Variants in HS3ST3A1 observed in about 807,000 individuals in gnomAD.
HS3ST3A1 encodes the protein heparan sulfate-glucosamine 3-sulfotransferase 3A1.
A neutral mutation model predicts 25.7 loss-of-function variants in HS3ST3A1; 19 were observed. The ratio of observed to expected loss-of-function variants is 0.74; its 90% CI spans 0.52 to 1.08. HS3ST3A1 has a LOEUF of 1.08. HS3ST3A1 is among the 50% of genes least tolerant of loss of function. HS3ST3A1 has a pLI of 0.00. For missense variants in HS3ST3A1, 459 were observed against 594.3 expected (o/e 0.77, Z 2.37); for synonymous variants, 226 against 278.6 (o/e 0.81, Z 1.88).
chr17:13,550,422 C>T (rs1907207906), intron 1 of HS3ST3A1, among the ~76,000 whole-genome samples: 1 of 151,980 alleles, frequency 6.6e-6, no homozygotes, highest in South Asian at 2.1e-4. Flanking sequence ...TTGGAAACCT[C>T]CCTCCACACA....
At chr17:13,521,279 G>A (rs1325318205) in intron 1 of HS3ST3A1, among the ~76,000 whole-genome samples, 1 of 152,214 alleles carries the variant, frequency 6.6e-6, no homozygotes, top group Non-Finnish European at 1.5e-5. Flanking sequence ...CAGTAGGCAG[G>A]ATGTTCTCTG....
intron 1 of HS3ST3A1, among the ~76,000 whole-genome samples, chr17:13,529,456 TA>T (rs77143656): frequency 0.044 from 6,632 of 151,756 alleles, 483 homozygotes; most frequent in African/African-American, 0.15. Flanking sequence ...TTGCTTTTAT[TA>T]AAAAAAAATT....
chr17:13,515,966 A>G (rs1469114755), intron 1 of HS3ST3A1, among the ~76,000 whole-genome samples: 1 of 151,970 alleles, frequency 6.6e-6, no homozygotes, highest in African/African-American at 2.4e-5. Flanking sequence ...TTTTTTGCCC[A>G]TTTTTACATG....
chr17:13,531,961 A>T (rs1428921034), intron 1 of HS3ST3A1, among the ~76,000 whole-genome samples: 2 of 152,088 alleles, frequency 1.3e-5, no homozygotes, highest in Non-Finnish European at 2.9e-5. Flanking sequence ...CATCAAGGGG[A>T]GGTGGTAGGA....
chr17:13,601,156 G>C lies in HS3ST3A1; in HGVS notation c.-27C>G. ...CTAGCCGGAGGCGACGTCGGGCAAC[G>C]CGCCGGCCATGCTAGGCCTGGACCC... On this transcript the variant is annotated 5_prime_UTR_variant, in exon 1 of 2. Transcript: ENST00000284110. The C allele has an allele frequency of 6.7e-7, 1 of 1,481,764 alleles. No homozygotes were observed. The highest frequency in any genetic ancestry group is 9.0e-7 in the Non-Finnish European group (1 of 1,115,854). 91.8% of individuals were successfully genotyped at this position (1,481,764 alleles called of 1,614,324 possible). A position where few individuals can be genotyped will look rare whatever the true frequency, so the allele number is the denominator to read the frequency against.
In HS3ST3A1 at chr17:13,600,848, C is replaced by A. The variant is rs1378187764; in HGVS notation, c.282G>T (p.Pro94=). 7.7e-6 allele frequency: 11 copies of A among 1,434,296 alleles called. No individual in the cohort carries two copies. In the African/African-American group the frequency reaches 1.2e-4, roughly 16 times the overall value. The allele number at this position is 1,434,296 out of a possible 1,614,324, so 88.8% of individuals were successfully genotyped here. Reference sequence around the variant, plus strand: ...CGGGCGGCCGGCGCCTCCGCCACTGCGGCAGTTGCAGGAGGCGCTTTCTCT... The same window carrying A: ...CGGGCGGCCGGCGCCTCCGCCACTGAGGCAGTTGCAGGAGGCGCTTTCTCT... ...AAQRKRLLQL[P]QWRRRRPPAP... Residue 94 remains proline (P), a synonymous_variant, in exon 1 of 2, where the codon CCG becomes CCT. Transcript: ENST00000284110.
At position 13,524,105 on chromosome 17, in the gene HS3ST3A1, A is replaced by G. The variant is rs73982028; in HGVS notation, c.600-27287T>C. 3.7e-3 allele frequency among the ~76,000 whole-genome samples: 566 copies of G among 152,168 alleles called. 2 individuals are homozygous for G. The highest frequency in any genetic ancestry group is 0.013 in the African/African-American group (543 of 41,532). On this transcript the variant is annotated intron_variant, in intron 1 of 1. Coordinates refer to ENST00000284110, the MANE Select transcript of HS3ST3A1 (RefSeq NM_006042.3). ...TAGTTTTTAACCTTATATTGATTTT[A>G]TTAATTTTATTTTTCCTTTGTTATT... is the stretch of plus-strand genomic sequence containing the variant.
chr17:13,566,264 T>C (rs1004417709), intron 1 of HS3ST3A1, among the ~76,000 whole-genome samples: 1 of 152,178 alleles, frequency 6.6e-6, no homozygotes, highest in Non-Finnish European at 1.5e-5. Flanking sequence ...ATTGGTGGTC[T>C]TTGATGTTAC....
chr17:13,593,233 C>CAAA (rs5819419), intron 1 of HS3ST3A1, among the ~76,000 whole-genome samples: 4 of 103,156 alleles, frequency 3.9e-5, no homozygotes, highest in East Asian at 2.9e-4. Flanking sequence ...TGTTTGTAGC[C>CAAA]AAAAAAAAAA....
rs1598433255 is a variant in HS3ST3A1, at chr17:13,584,550, A to AGAAGGAAGGAAGGAAAGAAG, written c.599+15961_599+15980dup. Among the ~76,000 whole-genome samples the AGAAGGAAGGAAGGAAAGAAG allele has an allele frequency of 2.7e-5, 4 of 150,874 alleles. No individual in the cohort carries two copies. In the East Asian group the frequency reaches 7.8e-4, roughly 29 times the overall value. On this transcript the variant is annotated intron_variant, in intron 1 of 1. Coordinates refer to ENST00000284110, the MANE Select transcript of HS3ST3A1 (RefSeq NM_006042.3). ...AGGAAGGAAAGAAGGAAGGAAGGAAAGAAGGAAGGAAGGAAAGAAGGAAGG... is the reference window on the plus strand; with the variant it reads ...AGGAAGGAAAGAAGGAAGGAAGGAAAGAAGGAAGGAAGGAAAGAAGGAAGGAAGGAAGGAAAGAAGGAAGG...
chr17:13,571,077 T>A (rs887118053), intron 1 of HS3ST3A1, among the ~76,000 whole-genome samples: 1 of 152,130 alleles, frequency 6.6e-6, no homozygotes, highest in Admixed American at 6.5e-5. Context: ...TACAAATTCA[T>A]GCGTAGTTAG....
At chr17:13,570,297 A>T (rs1907769511) in intron 1 of HS3ST3A1, among the ~76,000 whole-genome samples, 1 of 152,182 alleles carries the variant, frequency 6.6e-6, no homozygotes, top group South Asian at 2.1e-4. Context: ...TCCTTCTTGA[A>T]CTAAGTAACT....
chr17:13,563,518 G>A (rs1455196894), intron 1 of HS3ST3A1, among the ~76,000 whole-genome samples: 1 of 152,200 alleles, frequency 6.6e-6, no homozygotes, highest in Non-Finnish European at 1.5e-5. Context: ...TGTCAGATAT[G>A]TCCAGCTACT....
At chr17:13,541,225 A>C (rs1396179899) in intron 1 of HS3ST3A1, among the ~76,000 whole-genome samples, 1 of 152,178 alleles carries the variant, frequency 6.6e-6, no homozygotes, top group Non-Finnish European at 1.5e-5. Flanking sequence ...GGGAAAGAAA[A>C]ATTCCAGCCA....
At chr17:13,538,753 G>A (rs1176803295) in intron 1 of HS3ST3A1, among the ~76,000 whole-genome samples, 1 of 151,938 alleles carries the variant, frequency 6.6e-6, no homozygotes, top group Non-Finnish European at 1.5e-5. Context: ...CAAGATTTGG[G>A]GTAAAATCAG....
intron 1 of HS3ST3A1, among the ~76,000 whole-genome samples, chr17:13,540,871 C>T (rs988878745): frequency 6.6e-6 from 1 of 152,198 alleles, no homozygotes. Flanking sequence ...CAGAGAAACT[C>T]CCCTTTTATC....
intron 1 of HS3ST3A1, among the ~76,000 whole-genome samples, chr17:13,520,911 T>C (rs888536279): frequency 6.6e-6 from 1 of 152,206 alleles, no homozygotes; most frequent in Non-Finnish European, 1.5e-5. Context: ...TGCTTATTCA[T>C]TGGAAAACTG....
chr17:13,585,841 T>G (rs1035946811), intron 1 of HS3ST3A1, among the ~76,000 whole-genome samples: 19 of 54,082 alleles, frequency 3.5e-4, no homozygotes, highest in Non-Finnish European at 4.4e-4. Context: ...TCCTTCTGCG[T>G]TTTTTTTTTT....
chr17:13,496,144 T>G lies in HS3ST3A1; in HGVS notation c.*53A>C. ...ATTAAACTGTCTCTTCTCTACCGAT[T>G]GGTAAAAAAATATATTATATTTTGA... On this transcript the variant is annotated 3_prime_UTR_variant, in exon 2 of 2. Transcript: ENST00000284110. 6.9e-7 allele frequency: 1 copy of G among 1,450,326 alleles called. No homozygotes were observed. Among genetic ancestry groups the G allele is most frequent in the Non-Finnish European group, 9.1e-7 (1 of 1,098,452 alleles). The allele number at this position is 1,450,326 out of a possible 1,614,324, so 89.8% of individuals were successfully genotyped here.
Sources: gnomAD v4.1 joint callset for allele counts (sites outside exome capture counted in the v4.1 genomes callset) on GRCh38, gnomAD v4.1.1 for gene constraint, MANE v1.5 for transcripts, NCBI Gene and HGNC (gene_info 2026-07-23, HGNC 2026-07-21) for gene names.